The following UBR1 variants were observed in gnomAD, a reference collection of about 807,000 sequenced individuals.
The protein encoded by UBR1 is E3 ubiquitin-protein ligase UBR1.
In UBR1, 102 loss-of-function variants were observed where a neutral mutation model predicts 242.1. The observed-to-expected ratio is 0.42, with a 90% confidence interval of 0.36 to 0.50. The LOEUF is 0.50. Among genes scored for constraint, UBR1 ranks in the 20% least tolerant of loss-of-function variants. The pLI is 0.01. For missense variants in UBR1, 1,772 were observed against 2,101.8 expected (o/e 0.84, Z 3.07); for synonymous variants, 675 against 684.8 (o/e 0.99, Z 0.22).
chr15:43,090,877 A>C (rs2034097797), intron 1 of UBR1, among the ~76,000 whole-genome samples: 1 of 152,210 alleles, frequency 6.6e-6, no homozygotes, highest in African/African-American at 2.4e-5. Flanking sequence ...CCTAAGTCCT[A>C]AAGTTCAGTG....
chr15:42,964,023 T>C lies in UBR1; in HGVS notation c.4612A>G (p.Ser1538Gly). 2 of 1,612,648 alleles carry C rather than the reference T, an allele frequency of 1.2e-6. No homozygotes were observed. The highest frequency in any genetic ancestry group is 2.2e-5 in the East Asian group (1 of 44,826). Residue 1538 changes from serine to glycine, a missense_variant, in exon 42 of 47, where the codon AGT becomes GGT. Physicochemically the swap from Ser to Gly is moderately conservative, Grantham distance 56 (BLOSUM62 0). Coordinates refer to ENST00000290650, the MANE Select transcript of UBR1 (RefSeq NM_174916.3). ...LHTNSAEGEY[S>G]ALCSYLSLPT... ...AAAGATAGATAGCTACAGAGTGCAC[T>C]GTACTCTCCTTCTGCAGAATCTGCA...
At chr15:43,019,080 G>A (rs995191963) in intron 27 of UBR1, among the ~76,000 whole-genome samples, 7 of 142,712 alleles carry the variant, frequency 4.9e-5, no homozygotes. Flanking sequence ...TTTTTTTTTT[G>A]AGACGGAGTC....
At chr15:42,992,604 G>A (rs1318115145) in intron 33 of UBR1, among the ~76,000 whole-genome samples, 3 of 152,158 alleles carry the variant, frequency 2.0e-5, no homozygotes, top group African/African-American at 7.2e-5. Flanking sequence ...TCAAAACTTT[G>A]GCTATGCCTC....
intron 26 of UBR1, among the ~76,000 whole-genome samples, 165 bp downstream of exon 26, chr15:43,022,537 C>T (rs2033123697): frequency 6.6e-6 from 1 of 151,234 alleles, no homozygotes; most frequent in Non-Finnish European, 1.5e-5. Flanking sequence ...ATATTAGTTA[C>T]AAACTAAGAA....
chr15:43,043,328 A>G lies in UBR1; in HGVS notation c.1736T>C (p.Ile579Thr). 1 of 1,614,118 alleles carries G rather than the reference A, an allele frequency of 6.2e-7. No homozygotes were observed. The highest frequency in any genetic ancestry group is 8.5e-7 in the Non-Finnish European group (1 of 1,180,008). Reference protein sequence around the residue: ...KAVMRCSTSFISSSKTVVQSC... With the variant: ...KAVMRCSTSFTSSSKTVVQSC... Reference sequence around the variant, plus strand: ...TTGTACTACTGTCTTGCTACTAGATATGAAACTGGTACTGCACCTCATCAC... The same window carrying G: ...TTGTACTACTGTCTTGCTACTAGATGTGAAACTGGTACTGCACCTCATCAC... Residue 579 changes from isoleucine (I) to threonine (T), a missense_variant, in exon 15 of 47, where the codon ATA becomes ACA. Physicochemically the swap from Ile to Thr is moderately conservative, Grantham distance 89 (BLOSUM62 -1). Transcript: ENST00000290650.
chr15:43,046,203 A>C (rs566359844), intron 14 of UBR1, among the ~76,000 whole-genome samples: 13 of 152,230 alleles, frequency 8.5e-5, no homozygotes, highest in Non-Finnish European at 1.6e-4. Context: ...AAGCCAAAAA[A>C]TACATGCTGT....
intron 37 of UBR1, among the ~76,000 whole-genome samples, chr15:42,981,033 C>A (rs2032370036): frequency 6.6e-6 from 1 of 152,078 alleles, no homozygotes; most frequent in South Asian, 2.1e-4. Flanking sequence ...AAATCTTGCC[C>A]CTGACCCAGC....
chr15:43,095,765 T>G (rs1162985739), intron 1 of UBR1, among the ~76,000 whole-genome samples: 1 of 152,176 alleles, frequency 6.6e-6, no homozygotes, highest in Non-Finnish European at 1.5e-5. Flanking sequence ...CAGCATATGC[T>G]TAATACCTTT....
intron 2 of UBR1, among the ~76,000 whole-genome samples, chr15:43,085,485 C>A (rs1408401208): frequency 1.3e-5 from 2 of 152,088 alleles, no homozygotes; most frequent in Non-Finnish European, 2.9e-5. Context: ...CTAGCAAAAA[C>A]CAAACTATAA....
intron 1 of UBR1, among the ~76,000 whole-genome samples, chr15:43,103,613 C>T (rs996151512): frequency 2.0e-5 from 3 of 152,122 alleles, no homozygotes; most frequent in Non-Finnish European, 4.4e-5. Context: ...ATTTGAATTG[C>T]ATGTGAGATA....
At chr15:43,085,557 A>C (rs974617779) in intron 2 of UBR1, among the ~76,000 whole-genome samples, 1 of 148,984 alleles carries the variant, frequency 6.7e-6, no homozygotes, top group Admixed American at 6.7e-5. Context: ...AACCAAGACA[A>C]GTACATCGTG....
At chr15:42,971,986 G>A (rs945630339) in intron 39 of UBR1, among the ~76,000 whole-genome samples, 12 of 152,200 alleles carry the variant, frequency 7.9e-5, no homozygotes, top group African/African-American at 2.4e-4. Flanking sequence ...AGTGTTGTAC[G>A]CTTGTTATAA....
intron 3 of UBR1, among the ~76,000 whole-genome samples, chr15:43,075,978 TCTCC>T: frequency 6.6e-6 from 1 of 151,898 alleles, no homozygotes; most frequent in South Asian, 2.1e-4. Flanking sequence ...TCCCTCTCCC[TCTCC>T]CTCTCTCCAC....
At position 42,966,279 on chromosome 15, in the gene UBR1, C is replaced by T. The variant is rs2032104477; in HGVS notation, c.4465G>A (p.Gly1489Arg). 6.2e-7 allele frequency: 1 copy of T among 1,613,994 alleles called. No individual in the cohort carries two copies. Among genetic ancestry groups the T allele is most frequent in the Admixed American group, 1.7e-5 (1 of 59,984 alleles). ...AAATACCAGCCAGGAATATCACACC[C>T]AATGGAGCTAGGAGACAATAATTCC... ...EISQYTSGSI[G>R]CDIPGWYLWV... The change falls in exon 41 of 47, where the codon GGG becomes AGG. Residue 1489 changes from glycine (G) to arginine (R), a missense_variant. Coordinates refer to ENST00000290650, the MANE Select transcript of UBR1 (RefSeq NM_174916.3).
At chr15:43,069,355 C>A (rs1372197567) in intron 5 of UBR1, among the ~76,000 whole-genome samples, 1 of 151,790 alleles carries the variant, frequency 6.6e-6, no homozygotes, top group Non-Finnish European at 1.5e-5. Context: ...CGGCTCACTG[C>A]AAGCTCTGCC....
In UBR1 at chr15:43,021,366, C is replaced by A; in HGVS notation, c.2849G>T (p.Ser950Ile). 1 of 1,613,476 alleles carries A rather than the reference C, an allele frequency of 6.2e-7. No homozygotes were observed. The highest frequency in any genetic ancestry group is 8.5e-7 in the Non-Finnish European group (1 of 1,179,608). The change falls in exon 27 of 47, where the codon AGT becomes ATT. Residue 950 changes from serine to isoleucine, a missense_variant. Physicochemically the swap from Ser to Ile is moderately radical, Grantham distance 142. This residue lies in a region of UBR1 where 965 missense variants were observed against 1,079.7 expected (regional missense o/e 0.89). Coordinates refer to ENST00000290650, the MANE Select transcript of UBR1 (RefSeq NM_174916.3). ...AAGCATTTGTATATTCATGGCTGAA[C>A]TTCCCAATCCTTTTTTAAAACACAA... is the stretch of plus-strand genomic sequence containing the variant. ...DFYHKASRLGSSAMNIQMLLE... is the reference protein window; with the variant it reads ...DFYHKASRLGISAMNIQMLLE...
intron 44 of UBR1, among the ~76,000 whole-genome samples, chr15:42,953,151 C>T (rs1023434382): frequency 3.9e-5 from 6 of 152,202 alleles, no homozygotes; most frequent in Non-Finnish European, 5.9e-5. Context: ...ATAGTGCTGA[C>T]TTGCTTGAGT....
At chr15:43,054,606 A>G in intron 12 of UBR1, 136 bp downstream of exon 12, 1 of 970,878 alleles carries the variant, frequency 1.0e-6, no homozygotes, top group Non-Finnish European at 1.7e-6. Context: ...GCGAGGCAGT[A>G]ACAGTTCTTT....
At chr15:43,092,732 T>G (rs1456369922) in intron 1 of UBR1, among the ~76,000 whole-genome samples, 1 of 152,160 alleles carries the variant, frequency 6.6e-6, no homozygotes, top group Non-Finnish European at 1.5e-5. Flanking sequence ...TTTTGTATTT[T>G]TAGTAGAAAC....
Sources: gnomAD v4.1 joint callset for allele counts (sites outside exome capture counted in the v4.1 genomes callset) on GRCh38, gnomAD v4.1.1 for gene constraint, gnomAD v4.1.1 regional missense constraint, MANE v1.5 for transcripts, NCBI Gene and HGNC (gene_info 2026-07-23, HGNC 2026-07-21) for gene names.